OSBPL7: variants seen among roughly 807,000 people sequenced by gnomAD.
OSBPL7 encodes the protein oxysterol binding protein like 7.
A neutral mutation model predicts 115.8 loss-of-function variants in OSBPL7; 66 were observed. The ratio of observed to expected loss-of-function variants is 0.57; its 90% confidence interval spans 0.47 to 0.70. The LOEUF is 0.70. Among genes scored for constraint, OSBPL7 ranks in the 30% least tolerant of loss-of-function variants. The pLI is 0.00. For synonymous variants in OSBPL7, 441 were observed against 439.2 expected, an observed-to-expected ratio of 1.00 and a Z score of -0.05; for missense variants, 902 against 1,125.5, an observed-to-expected ratio of 0.80 and a Z score of 2.84.
In OSBPL7 at chr17:47,819,093, TGGTGATCTGGG is replaced by T. The variant is rs1484905899; in HGVS notation, c.256-5_261del. On this transcript the variant is annotated splice_acceptor_variant and splice_polypyrimidine_tract_variant and coding_sequence_variant and intron_variant, in exon 5 of 23. Coordinates refer to ENST00000007414, the MANE Select transcript of OSBPL7 (RefSeq NM_145798.3). LOFTEE classifies it high-confidence loss of function. ...TCGATGGAGCCATGGAGCTTCCCCT[TGGTGATCTGGG>T]GGTGAAGTGTTGGTAGAGGGAGAGG... is the stretch of plus-strand genomic sequence containing the variant. 6.2e-7 allele frequency: 1 copy of T among 1,613,610 alleles called. No homozygotes were observed. The highest frequency in any genetic ancestry group is 8.5e-7 in the Non-Finnish European group (1 of 1,179,726).
intron 18 of OSBPL7, among the ~76,000 whole-genome samples, chr17:47,809,915 T>C (rs1333335886): frequency 2.7e-5 from 4 of 149,830 alleles, no homozygotes; most frequent in African/African-American, 7.3e-5. Flanking sequence ...TCTTTTCTTT[T>C]TTTTTTTTTT....
At position 47,818,268 on chromosome 17, in the gene OSBPL7, C is replaced by T; in HGVS notation, c.598+1G>A. The T allele has an allele frequency of 6.2e-7, 1 of 1,612,232 alleles. No individual in the cohort carries two copies. The highest frequency in any genetic ancestry group is 8.5e-7 in the Non-Finnish European group (1 of 1,179,068). ...GAGGTGCTGCGCCTAGGGCCCCTCA[C>T]CATGAGAGCAGCGGTCCAGCCCATC... On this transcript the variant is annotated splice_donor_variant, in intron 7 of 22. Coordinates refer to ENST00000007414, the MANE Select transcript of OSBPL7 (RefSeq NM_145798.3). LOFTEE classifies it high-confidence loss of function.
At chr17:47,819,258 T>A (rs772233653) in intron 4 of OSBPL7, 159 bp from the exon 5 acceptor site, 94 of 624,096 alleles carry the variant, frequency 1.5e-4, no homozygotes, top group South Asian at 5.9e-4. Context: ...TCAATCATCC[T>A]CCCATGTGCA....
In OSBPL7 at chr17:47,808,176, C is replaced by G; in HGVS notation, c.*115G>C. ...CAGAGGGGAGGGAGGGCCAGGGCTG[C>G]CCCTTTGGTCTCAAGGGCAGTGAGG... On this transcript the variant is annotated 3_prime_UTR_variant, in exon 23 of 23. Coordinates refer to ENST00000007414, the MANE Select transcript of OSBPL7 (RefSeq NM_145798.3). This position sits in a 1 kb window ranked among gnomAD's most constrained non-coding sequence, Gnocchi z 6.1. 1.3e-6 allele frequency: 1 copy of G among 771,118 alleles called. No individual in the cohort carries two copies. Among genetic ancestry groups the G allele is most frequent in the Non-Finnish European group, 2.1e-6 (1 of 470,792 alleles). 47.8% of individuals were successfully genotyped at this position (771,118 alleles called of 1,614,324 possible). A position where few individuals can be genotyped will look rare whatever the true frequency, so the allele number is the denominator to read the frequency against.
rs750305741 is a variant in OSBPL7 at position 47,813,368 on chromosome 17, G to T, written c.1635C>A (p.Ser545=). The T allele has an allele frequency of 1.4e-5, 23 of 1,613,946 alleles. No individual in the cohort carries two copies. The highest frequency in any genetic ancestry group is 1.9e-5 in the Non-Finnish European group (23 of 1,180,052). ...YIAAFAVSAY[S]STYHRAGCKP... is the part of the protein sequence containing the mutation. ...TGCAGCCGGCTCGGTGGTATGTGGA[G>T]GAGTAGGCCGAGACAGCAAAGGCTG... The change falls in exon 16 of 23, where the codon TCC becomes TCA. Residue 545 remains serine (S), a synonymous_variant. Coordinates refer to ENST00000007414, the MANE Select transcript of OSBPL7 (RefSeq NM_145798.3).
In OSBPL7 at chr17:47,816,457, C is replaced by A; in HGVS notation, c.954G>T (p.Leu318=). ...GGTCCCGTTCCATGGTGAGGGCGGC[C>A]AGGACGCTGCTGAGGGAGCTGTGCA... ...QKVHSSLSSV[L]AALTMERDQL... The change falls in exon 11 of 23, where the codon CTG becomes CTT. Residue 318 remains leucine (L), a synonymous_variant. Coordinates refer to ENST00000007414, the MANE Select transcript of OSBPL7 (RefSeq NM_145798.3). This position sits in a 1 kb window ranked among gnomAD's most constrained non-coding sequence, Gnocchi z 5.8. 6.5e-7 allele frequency: 1 copy of A among 1,546,076 alleles called. No homozygotes were observed. Among genetic ancestry groups the A allele is most frequent in the Non-Finnish European group, 8.7e-7 (1 of 1,144,284 alleles).
chr17:47,814,384 G>A, intron 14 of OSBPL7, 137 bp downstream of exon 14: 1 of 766,010 alleles, frequency 1.3e-6, no homozygotes, highest in Non-Finnish European at 2.1e-6. Flanking sequence ...GCCTTCCTTA[G>A]CTCCTGGGGT....
chr17:47,814,479 A>AACC, intron 14 of OSBPL7, 42 bp downstream of exon 14: 7 of 1,086,682 alleles, frequency 6.4e-6, no homozygotes, highest in Admixed American at 3.5e-5. Flanking sequence ...CTGTTTTTCC[A>AACC]CCCGCCTCCC....
At chr17:47,809,645 C>G (rs947229787) in intron 18 of OSBPL7, among the ~76,000 whole-genome samples, 167 bp from the exon 19 acceptor site, 5 of 152,128 alleles carry the variant, frequency 3.3e-5, no homozygotes, top group African/African-American at 1.2e-4. Context: ...GGAAGAGTGG[C>G]CTTCACAGAA....
intron 3 of OSBPL7, 46 bp downstream of exon 3, chr17:47,819,918 CATTCCCA>C: frequency 1.4e-5 from 21 of 1,517,024 alleles, no homozygotes; most frequent in Non-Finnish European, 1.9e-5. Flanking sequence ...AGCTGCCCCC[CATTCCCA>C]CCCCGCCCCC....
In OSBPL7 at chr17:47,809,130, G is replaced by A; in HGVS notation, c.2116C>T (p.His706Tyr). Reference sequence around the variant, plus strand: ...GTGGGTCCCCGGTACAGCCCCTCGTGCCACTTCCCAAAGAGTCGGTGGAGG... The same window carrying A: ...GTGGGTCCCCGGTACAGCCCCTCGTACCACTTCCCAAAGAGTCGGTGGAGG... ...RVLHRLFGKW[H>Y]EGLYRGPTPG... The change falls in exon 20 of 23, where the codon CAC (histidine) becomes TAC (tyrosine). Residue 706 changes from histidine to tyrosine, a missense_variant. Physicochemically the swap from His to Tyr is moderately conservative, Grantham distance 83. This residue lies in a region of OSBPL7 where 230 missense variants were observed against 312.7 expected (regional missense o/e 0.74). Coordinates refer to ENST00000007414, the MANE Select transcript of OSBPL7 (RefSeq NM_145798.3). The A allele has an allele frequency of 6.2e-7, 1 of 1,614,156 alleles. No homozygotes were observed. The highest frequency in any genetic ancestry group is 1.1e-5 in the South Asian group (1 of 91,088).
intron 16 of OSBPL7, among the ~76,000 whole-genome samples, chr17:47,811,381 C>T (rs1177486490): frequency 6.6e-6 from 1 of 152,050 alleles, no homozygotes; most frequent in Non-Finnish European, 1.5e-5. Context: ...CCAAGATGAC[C>T]AGGTCCCCGA....
At position 47,819,735 on chromosome 17, in the gene OSBPL7, C is replaced by A; in HGVS notation, c.249G>T (p.Arg83=). The A allele has an allele frequency of 6.2e-7, 1 of 1,614,092 alleles. No individual in the cohort carries two copies. Among genetic ancestry groups the A allele is most frequent in the Non-Finnish European group, 8.5e-7 (1 of 1,180,010 alleles). Residue 83 remains arginine (R), a synonymous_variant, in exon 4 of 23, where the codon CGG becomes CGT. Coordinates refer to ENST00000007414, the MANE Select transcript of OSBPL7 (RefSeq NM_145798.3). ...AGCCACTGCCCGGGCTCACGTCTTGCCGGGTTGTTGCATAATGAAGGATCC... is the reference window on the plus strand; with the variant it reads ...AGCCACTGCCCGGGCTCACGTCTTGACGGGTTGTTGCATAATGAAGGATCC... ...EDGILHYATT[R]QDITKGKLHG...
intron 12 of OSBPL7, chr17:47,815,790 G>T: frequency 3.0e-6 from 1 of 334,946 alleles, no homozygotes; most frequent in Non-Finnish European, 5.4e-6. Flanking sequence ...CTCAGAGCCC[G>T]AGTCTCAGTT....
intron 13 of OSBPL7, 44 bp from the exon 14 acceptor site, chr17:47,814,658 C>T (rs577671312): frequency 2.1e-5 from 34 of 1,582,208 alleles, no homozygotes; most frequent in African/African-American, 4.0e-5. Flanking sequence ...GGGCCTCCCC[C>T]GGGCAGCTGG....
intron 12 of OSBPL7, chr17:47,815,771 G>C (rs1326614244): frequency 9.3e-6 from 3 of 324,154 alleles, no homozygotes; most frequent in East Asian, 1.3e-4. Flanking sequence ...CGTAGCCCCA[G>C]CGTCTGTGCT....
chr17:47,808,715 C>A lies in OSBPL7; in HGVS notation c.2298-55G>T. ...TGCCCATCTGCAGGGGCCCCCAAACCCAAGGCCTCTGTCTCTGCCCAACTC... is the reference window on the plus strand; with the variant it reads ...TGCCCATCTGCAGGGGCCCCCAAACACAAGGCCTCTGTCTCTGCCCAACTC... On this transcript the variant is annotated intron_variant, in intron 21 of 22. Transcript: ENST00000007414. The surrounding 1 kb of genome is among the most constrained non-coding windows in gnomAD (Gnocchi z 6.1). 6.2e-7 allele frequency: 1 copy of A among 1,610,406 alleles called. No homozygotes were observed. Among genetic ancestry groups the A allele is most frequent in the Middle Eastern group, 1.7e-4 (1 of 6,038 alleles).
chr17:47,815,762 G>A (rs1384994329), intron 12 of OSBPL7: 3 of 318,652 alleles, frequency 9.4e-6, no homozygotes, highest in East Asian at 6.8e-5. Context: ...CCCGTGGAAC[G>A]TAGCCCCAGC....
intron 14 of OSBPL7, 42 bp downstream of exon 14, chr17:47,814,479 A>ACCCCCCCCCCCCCCCCCCCCCCCCCC: frequency 2.8e-6 from 3 of 1,086,688 alleles, no homozygotes; most frequent in Non-Finnish European, 4.2e-6. Context: ...CTGTTTTTCC[A>ACCCCCCCCCCCCCCCCCCCCCCCCCC]CCCGCCTCCC....
Sources: allele counts gnomAD v4.1 joint callset (sites outside exome capture counted in the v4.1 genomes callset), GRCh38; gene constraint gnomAD v4.1.1; regional missense constraint gnomAD v4.1.1; non-coding constraint Gnocchi (gnomAD v3.1); transcripts MANE v1.5; gene names NCBI Gene and HGNC (gene_info 2026-07-23, HGNC 2026-07-21).